Variants in FEZ2 observed in about 807,000 individuals in gnomAD.
FEZ2 encodes the protein fasciculation and elongation protein zeta 2, also known as fasciculation and elongation protein zeta-2.
FEZ2 carries 51 observed loss-of-function variants against 40.4 expected under a neutral mutation model. The ratio of observed to expected loss-of-function variants is 1.26; its 90% confidence interval spans 1.01 to 1.59. The LOEUF is 1.59. Ranked by LOEUF, FEZ2 falls within the 40% of genes most tolerant of loss-of-function variation. FEZ2 has a pLI of 0.00. For missense variants in FEZ2, 640 were observed against 438.3 expected, an observed-to-expected ratio of 1.46 and a Z score of -4.11; for synonymous variants, 242 against 172.0, an observed-to-expected ratio of 1.41 and a Z score of -3.18.
rs771867962 is a variant in FEZ2, at chr2:36,590,992, C to G, written c.286G>C (p.Asp96His). ...ACAGGCATCACATTCCCATAATTAT[C>G]TGTCAGGGCATTCCAAATCCTTAAA... ...QGDEIWNALT[D>H]NYGNVMPVDW... Residue 96 changes from aspartate (D) to histidine (H), a missense_variant, in exon 2 of 8, where the codon GAT becomes CAT. By Grantham distance (81) the Asp-to-His change is moderately conservative (BLOSUM62 -1). Transcript: ENST00000405912. The G allele has an allele frequency of 5.0e-6, 8 of 1,607,636 alleles. No homozygotes were observed. The East Asian group carries it at 1.1e-4, about 22-fold the overall frequency.
intron 6 of FEZ2, chr2:36,557,318 T>A (rs1297546076): frequency 6.6e-6 from 1 of 152,174 alleles, no homozygotes; most frequent in African/African-American, 2.4e-5. Context: ...CTCTTGATTT[T>A]TTATTTCAGA....
In FEZ2 at chr2:36,552,311, A is replaced by G. The variant is rs370767945; in HGVS notation, c.*852T>C. 7.2e-6 allele frequency: 3 copies of G among 418,494 alleles called. No homozygotes were observed. The highest frequency in any genetic ancestry group is 7.0e-5 in the East Asian group (1 of 14,220). The allele number at this position is 418,494 out of a possible 1,614,324, so 25.9% of individuals were successfully genotyped here. On this transcript the variant is annotated 3_prime_UTR_variant, in exon 8 of 8. Coordinates refer to ENST00000405912, the MANE Select transcript of FEZ2 (RefSeq NM_005102.3). Reference sequence around the variant, plus strand: ...GCCATTGATTTGACTGGAACCAGCAAAAGTGCTCATGATATTGATGAATCC... The same window carrying G: ...GCCATTGATTTGACTGGAACCAGCAGAAGTGCTCATGATATTGATGAATCC...
intron 3 of FEZ2, 38 bp downstream of exon 3, chr2:36,583,315 G>A: frequency 9.7e-7 from 1 of 1,031,310 alleles, no homozygotes; most frequent in Non-Finnish European, 1.5e-6. Context: ...CAGCTCTAGA[G>A]TCTCCTTTCC....
intron 5 of FEZ2, among the ~76,000 whole-genome samples, chr2:36,577,558 T>G (rs1280113739): frequency 6.6e-6 from 1 of 152,186 alleles, no homozygotes. Flanking sequence ...CCAGCCACGA[T>G]GTCCTTTCAA....
intron 4 of FEZ2, among the ~76,000 whole-genome samples, chr2:36,580,997 T>G (rs1668724448): frequency 6.6e-6 from 1 of 151,962 alleles, no homozygotes; most frequent in African/African-American, 2.4e-5. Flanking sequence ...ACTAAAAATG[T>G]AAAAATTAGC....
intron 7 of FEZ2, 55 bp from the exon 8 acceptor site, chr2:36,553,234 C>A: frequency 8.1e-7 from 1 of 1,237,812 alleles, no homozygotes; most frequent in Non-Finnish European, 1.2e-6. Flanking sequence ...TACATTTACA[C>A]AAAACATACA....
At chr2:36,554,662 C>T (rs1667908400) in intron 7 of FEZ2, among the ~76,000 whole-genome samples, 1 of 152,138 alleles carries the variant, frequency 6.6e-6, no homozygotes, top group Admixed American at 6.5e-5. Flanking sequence ...CAGTGTCAAC[C>T]CACTAGTGTC....
intron 5 of FEZ2, among the ~76,000 whole-genome samples, chr2:36,564,159 A>AT (rs1353208071): frequency 6.6e-5 from 10 of 152,234 alleles, no homozygotes; most frequent in African/African-American, 2.4e-4. Flanking sequence ...CATGTTAGCT[A>AT]TCTTTACTGT....
At chr2:36,588,024 G>A (rs1668952884) in intron 2 of FEZ2, among the ~76,000 whole-genome samples, 1 of 151,984 alleles carries the variant, frequency 6.6e-6, no homozygotes, top group South Asian at 2.1e-4. Context: ...TTCCAGGTAA[G>A]GCTGTTTTTT....
At position 36,572,460 on chromosome 2, in the gene FEZ2, A is replaced by G. The variant is rs565319696; in HGVS notation, c.903+6137T>C. 3.3e-5 allele frequency among the ~76,000 whole-genome samples: 5 copies of G among 152,340 alleles called. No homozygotes were observed. In the South Asian group the frequency reaches 6.2e-4, roughly 19 times the overall value. ...TTCATAACTTTTTGTTCTACTTTTTAATTTTACTAAGTCTAAATCAGAGAT... is the reference window on the plus strand; with the variant it reads ...TTCATAACTTTTTGTTCTACTTTTTGATTTTACTAAGTCTAAATCAGAGAT... On this transcript the variant is annotated intron_variant, in intron 5 of 7. Transcript: ENST00000405912.
chr2:36,572,103 CACATTTTATCACTGTGTATAATACA>C (rs1162181822), intron 5 of FEZ2, among the ~76,000 whole-genome samples: 3 of 150,524 alleles, frequency 2.0e-5, no homozygotes, highest in African/African-American at 4.9e-5. Context: ...CTTTTAAAAC[CACATTTTATCACTGTGTATAATACA>C]ACATTTTTAT....
intron 5 of FEZ2, among the ~76,000 whole-genome samples, chr2:36,567,490 G>A (rs929185242): frequency 5.9e-5 from 9 of 151,980 alleles, no homozygotes; most frequent in African/African-American, 1.7e-4. Flanking sequence ...GGCCAGGCAC[G>A]GAGGCTCACG....
intron 1 of FEZ2, among the ~76,000 whole-genome samples, chr2:36,593,924 G>A (rs1036362383): frequency 6.6e-6 from 1 of 151,126 alleles, no homozygotes; most frequent in African/African-American, 2.4e-5. Flanking sequence ...AACTGAATAC[G>A]TTTAATAGCA....
intron 1 of FEZ2, among the ~76,000 whole-genome samples, chr2:36,592,798 G>C (rs777913798): frequency 2.0e-5 from 3 of 152,140 alleles, no homozygotes; most frequent in Non-Finnish European, 4.4e-5. Context: ...CTGGGAGACA[G>C]AGCAAGACCC....
intron 5 of FEZ2, chr2:36,558,915 C>A (rs1186498849): frequency 1.3e-5 from 2 of 153,110 alleles, no homozygotes; most frequent in African/African-American, 4.8e-5. Flanking sequence ...CAGTTCTGCA[C>A]AATAAAGTAA....
rs1342757441 is a variant in FEZ2 at position 36,583,247 on chromosome 2, T to A, written c.492+106A>T. 1.8e-5 allele frequency: 12 copies of A among 663,036 alleles called. No individual in the cohort carries two copies. In the East Asian group the frequency reaches 2.5e-4, roughly 14 times the overall value. The allele number at this position is 663,036 out of a possible 1,614,324, so 41.1% of individuals were successfully genotyped here. A position where few individuals can be genotyped will look rare whatever the true frequency, so the allele number is the denominator to read the frequency against. Reference sequence around the variant, plus strand: ...TTAAGCCTGTATAACCAGAAAAAAATAGGAAAGATAAGTAAACCAACAGCC... The same window carrying A: ...TTAAGCCTGTATAACCAGAAAAAAAAAGGAAAGATAAGTAAACCAACAGCC... On this transcript the variant is annotated intron_variant, in intron 3 of 7. Coordinates refer to ENST00000405912, the MANE Select transcript of FEZ2 (RefSeq NM_005102.3).
chr2:36,559,045 GAC>G (rs1226400827), intron 5 of FEZ2: 1 of 152,042 alleles, frequency 6.6e-6, no homozygotes, highest in African/African-American at 2.4e-5. Flanking sequence ...AGCTAACAAA[GAC>G]ACACTTAAAT....
chr2:36,560,927 G>A (rs1232270929), intron 5 of FEZ2: 2 of 1,030,100 alleles, frequency 1.9e-6, no homozygotes, highest in South Asian at 1.5e-5. Context: ...AAGTCTATTA[G>A]TAAGAATGTA....
chr2:36,592,659 A>AAG (rs1200926380), intron 1 of FEZ2, among the ~76,000 whole-genome samples: 1 of 151,222 alleles, frequency 6.6e-6, no homozygotes, highest in African/African-American at 2.4e-5. Context: ...AAAAAAAAAA[A>AAG]AAAAAAATTG....
Sources: allele counts gnomAD v4.1 joint callset (sites outside exome capture counted in the v4.1 genomes callset), GRCh38; gene constraint gnomAD v4.1.1; transcripts MANE v1.5; gene names NCBI Gene and HGNC (gene_info 2026-07-23, HGNC 2026-07-21).